The following CADPS variants were observed in gnomAD, a reference collection of about 807,000 sequenced individuals.
CADPS encodes the protein calcium-dependent secretion activator 1.
In CADPS, 57 loss-of-function variants were observed where a neutral mutation model predicts 167.3. The ratio of observed to expected loss-of-function variants is 0.34; its 90% CI spans 0.28 to 0.42. The LOEUF is 0.42. CADPS is among the 20% of genes least tolerant of loss of function. The pLI is 1.00. For synonymous variants in CADPS, 676 were observed against 635.3 expected (o/e 1.06, Z -0.96); for missense variants, 1,414 against 1,738.1 (o/e 0.81, Z 3.32).
chr3:62,772,075 GTATAA>G (rs781546766), intron 1 of CADPS, among the ~76,000 whole-genome samples: 205 of 151,980 alleles, frequency 1.3e-3, no homozygotes, highest in South Asian at 2.7e-3. Flanking sequence ...GATAATATAC[GTATAA>G]TATATATATT....
At chr3:62,651,709 C>A (rs1312288135) in intron 4 of CADPS, among the ~76,000 whole-genome samples, 2 of 152,102 alleles carry the variant, frequency 1.3e-5, no homozygotes, top group Non-Finnish European at 2.9e-5. Flanking sequence ...CTTGCTTATA[C>A]ATTTAGTTGT....
At chr3:62,792,703 C>T (rs1192358738) in intron 1 of CADPS, among the ~76,000 whole-genome samples, 1 of 152,056 alleles carries the variant, frequency 6.6e-6, no homozygotes, top group African/African-American at 2.4e-5. Context: ...TCAAACAATC[C>T]CCCTGCATTA....
chr3:62,685,768 G>A lies in CADPS; in HGVS notation c.889-23374C>T, dbSNP rs567118512. On this transcript the variant is annotated intron_variant, in intron 3 of 29. Coordinates refer to ENST00000383710, the MANE Select transcript of CADPS (RefSeq NM_003716.4). ...TCATCAGGCATTAGATTCTCATAAG[G>A]AACACACAACCTAGATCCCTCGCAT... 3.3e-5 allele frequency among the ~76,000 whole-genome samples: 5 copies of A among 152,008 alleles called. No homozygotes were observed. In the East Asian group the frequency reaches 9.8e-4, roughly 30 times the overall value.
chr3:62,570,687 G>A (rs376592367), intron 9 of CADPS, among the ~76,000 whole-genome samples, 185 bp downstream of exon 9: 12 of 152,324 alleles, frequency 7.9e-5, no homozygotes, highest in African/African-American at 2.9e-4. Flanking sequence ...GCACAAGGGA[G>A]CCCTTTGGGT....
intron 3 of CADPS, among the ~76,000 whole-genome samples, chr3:62,681,189 T>A (rs1219527763): frequency 6.6e-6 from 1 of 152,010 alleles, no homozygotes; most frequent in East Asian, 1.9e-4. Context: ...CCCCTACTCT[T>A]CCCTAAGTTA....
intron 1 of CADPS, among the ~76,000 whole-genome samples, chr3:62,771,710 A>C (rs1207948256): frequency 1.3e-5 from 2 of 152,184 alleles, no homozygotes; most frequent in Non-Finnish European, 2.9e-5. Flanking sequence ...AAACCTGAAA[A>C]GATGGAAGGT....
intron 26 of CADPS, among the ~76,000 whole-genome samples, chr3:62,463,914 G>A (rs944729640): frequency 1.3e-5 from 2 of 152,160 alleles, no homozygotes; most frequent in African/African-American, 4.8e-5. Context: ...CATATCAGAA[G>A]AAACTGTTTT....
chr3:62,814,563 A>T (rs1288040849), intron 1 of CADPS: 1 of 152,260 alleles, frequency 6.6e-6, no homozygotes, highest in East Asian at 1.9e-4. Context: ...TGTGTTTCAC[A>T]TGTACGGTGC....
intron 16 of CADPS, 52 bp downstream of exon 16, chr3:62,516,006 AG>A: frequency 6.2e-7 from 1 of 1,608,090 alleles, no homozygotes. Context: ...AGACTTCCCC[AG>A]GGAGGCATAT....
chr3:62,509,474 G>GT (rs1337567534), intron 17 of CADPS, among the ~76,000 whole-genome samples: 1 of 152,008 alleles, frequency 6.6e-6, no homozygotes, highest in East Asian at 1.9e-4. Context: ...CTATGTGTTG[G>GT]TGAGTTTTGC....
At chr3:62,696,768 T>A (rs889061741) in intron 3 of CADPS, among the ~76,000 whole-genome samples, 4 of 152,060 alleles carry the variant, frequency 2.6e-5, no homozygotes, top group Non-Finnish European at 4.4e-5. Context: ...TGGCCCTTAC[T>A]GATCCAGTAA....
At chr3:62,696,219 C>A (rs1222405275) in intron 3 of CADPS, among the ~76,000 whole-genome samples, 20 of 152,080 alleles carry the variant, frequency 1.3e-4, no homozygotes, top group Non-Finnish European at 1.5e-5. Context: ...CCAGCTGCTC[C>A]TTGCTGGGTT....
At chr3:62,626,619 T>C (rs2367311) in intron 6 of CADPS, 664,010 of 699,140 alleles carry the variant, frequency 0.95, 316,584 homozygotes, top group East Asian at 1. Context: ...TTAAATTTGC[T>C]AAGCCTTTTT....
rs115385031 is a variant in CADPS at position 62,786,341 on chromosome 3, G to T, written c.442-20357C>A. ...ATGACTCTTCTAGTGTGTGATGTGA[G>T]GATGTACCCATATATTTGACATGCT... On this transcript the variant is annotated intron_variant, in intron 1 of 29. Coordinates refer to ENST00000383710, the MANE Select transcript of CADPS (RefSeq NM_003716.4). Among the ~76,000 whole-genome samples the T allele has an allele frequency of 9.2e-3, 1,402 of 152,104 alleles. 22 individuals are homozygous for T. Among genetic ancestry groups the T allele is most frequent in the African/African-American group, 0.031 (1,299 of 41,492 alleles).
chr3:62,531,536 A>T (rs1293571542), intron 13 of CADPS, among the ~76,000 whole-genome samples: 1 of 152,184 alleles, frequency 6.6e-6, no homozygotes, highest in Non-Finnish European at 1.5e-5. Flanking sequence ...CACAGAAAAA[A>T]TCCTACAGAG....
At chr3:62,745,912 A>T (rs533033847) in intron 3 of CADPS, among the ~76,000 whole-genome samples, 4 of 152,258 alleles carry the variant, frequency 2.6e-5, no homozygotes, top group Admixed American at 6.5e-5. Flanking sequence ...AGAGATAGAC[A>T]ATAATAGAAA....
chr3:62,667,881 G>C (rs1476261813), intron 3 of CADPS, among the ~76,000 whole-genome samples: 1 of 152,052 alleles, frequency 6.6e-6, no homozygotes, highest in Non-Finnish European at 1.5e-5. Flanking sequence ...GGAATGCCCT[G>C]TCTGACCTCT....
intron 3 of CADPS, among the ~76,000 whole-genome samples, chr3:62,695,935 T>A (rs890148199): frequency 6.6e-6 from 1 of 152,138 alleles, no homozygotes; most frequent in African/African-American, 2.4e-5. Context: ...GAACCTCTTT[T>A]AGGGGGTTGG....
intron 3 of CADPS, among the ~76,000 whole-genome samples, chr3:62,674,247 T>C (rs2076006240): frequency 6.6e-6 from 1 of 152,156 alleles, no homozygotes; most frequent in Admixed American, 6.6e-5. Flanking sequence ...GGTGAATTAA[T>C]TAAATTAAAA....
Sources: gnomAD v4.1 joint callset for allele counts (sites outside exome capture counted in the v4.1 genomes callset) on GRCh38, gnomAD v4.1.1 for gene constraint, MANE v1.5 for transcripts, NCBI Gene and HGNC (gene_info 2026-07-23, HGNC 2026-07-21) for gene names.